USH2A: variants seen among roughly 807,000 people sequenced by gnomAD.
The protein encoded by USH2A is usherin, also known as Usher syndrome 2A (autosomal recessive, mild).
In USH2A, 443 loss-of-function variants were observed where a neutral mutation model predicts 538.9. That is an observed-to-expected ratio of 0.82 (90% confidence interval 0.76 to 0.89). The LOEUF (loss-of-function observed/expected upper bound fraction) is 0.89. USH2A is among the 40% of genes least tolerant of loss of function. USH2A has a pLI of 0.00. For missense variants in USH2A, 6,633 were observed against 6,324.8 expected, an observed-to-expected ratio of 1.05 and a Z score of -1.65; for synonymous variants, 2,413 against 2,273.5, an observed-to-expected ratio of 1.06 and a Z score of -1.75.
intron 32 of USH2A, among the ~76,000 whole-genome samples, chr1:216,044,012 C>T (rs2030409410): frequency 8.8e-6 from 1 of 113,314 alleles, no homozygotes; most frequent in Admixed American, 8.5e-5. Flanking sequence ...CATCTGACTT[C>T]ATTCTTTCAC....
chr1:215,887,940 G>A (rs1665106923), intron 41 of USH2A, among the ~76,000 whole-genome samples: 1 of 152,174 alleles, frequency 6.6e-6, no homozygotes, highest in Admixed American at 6.5e-5. Flanking sequence ...GTCCACTAGA[G>A]TTCATTCCCA....
chr1:215,976,957 A>C (rs10157890), intron 35 of USH2A, among the ~76,000 whole-genome samples: 6,332 of 150,888 alleles, frequency 0.042, 149 homozygotes, highest in Middle Eastern at 0.096. Flanking sequence ...CATCTGGTGG[A>C]ATTTGGGTGT....
chr1:215,987,694 GC>G (rs1667904075), intron 35 of USH2A, among the ~76,000 whole-genome samples: 1 of 152,270 alleles, frequency 6.6e-6, no homozygotes, highest in East Asian at 1.9e-4. Flanking sequence ...GTTTGTAATA[GC>G]AAAAACCACA....
chr1:216,374,835 G>T (rs141298766), intron 3 of USH2A, among the ~76,000 whole-genome samples: 2 of 152,134 alleles, frequency 1.3e-5, no homozygotes, highest in African/African-American at 4.8e-5. Context: ...GACACAAGAT[G>T]TTCTAGGCTC....
intron 2 of USH2A, among the ~76,000 whole-genome samples, chr1:216,420,274 A>C (rs868622552): frequency 4.4e-4 from 67 of 152,106 alleles, no homozygotes; most frequent in African/African-American, 1.6e-3. Context: ...CTGAAAATGC[A>C]TTTCTTAATA....
intron 3 of USH2A, among the ~76,000 whole-genome samples, chr1:216,402,197 C>A (rs1384291141): frequency 6.6e-6 from 1 of 152,072 alleles, no homozygotes; most frequent in African/African-American, 2.4e-5. Context: ...GAACTGAATT[C>A]ACACTGAATG....
At chr1:215,712,579 G>A (rs898911617) in intron 61 of USH2A, among the ~76,000 whole-genome samples, 1 of 152,156 alleles carries the variant, frequency 6.6e-6, no homozygotes, top group African/African-American at 2.4e-5. Flanking sequence ...AATATCTCAA[G>A]TCAACCTTTG....
chr1:216,192,086 T>C (rs1284509413), intron 19 of USH2A, among the ~76,000 whole-genome samples: 2 of 152,070 alleles, frequency 1.3e-5, no homozygotes, highest in African/African-American at 4.8e-5. Flanking sequence ...AAGTTTTTCA[T>C]GAAATAAGTC....
At chr1:215,745,439 C>G (rs1437682404) in intron 58 of USH2A, among the ~76,000 whole-genome samples, 3 of 152,106 alleles carry the variant, frequency 2.0e-5, no homozygotes, top group Non-Finnish European at 4.4e-5. Flanking sequence ...TTCAATGCAT[C>G]CCTGTGTTAT....
In USH2A at chr1:216,364,825, G is replaced by T. The variant is rs181986271; in HGVS notation, c.784+128C>A. 2.1e-5 allele frequency: 26 copies of T among 1,229,438 alleles called. No individual in the cohort carries two copies. The East Asian group carries it at 2.8e-4, about 13-fold the overall frequency. The allele number at this position is 1,229,438 out of a possible 1,614,324, so 76.2% of individuals were successfully genotyped here. A position where few individuals can be genotyped will look rare whatever the true frequency, so the allele number is the denominator to read the frequency against. On this transcript the variant is annotated intron_variant, in intron 4 of 71. Coordinates refer to ENST00000307340, the MANE Select transcript of USH2A (RefSeq NM_206933.4). ...CTTTCATTAATCTGCCATCCAGTTG[G>T]TGGTAATTTGTTCAGTAGCCCTAGA...
Position 215,935,769 on chromosome 1 carries a change from T to A in USH2A, c.7121-974A>T, listed in dbSNP as rs149819837. Among the ~76,000 whole-genome samples, 394 of 152,144 alleles carry A rather than the reference T, an allele frequency of 2.6e-3. 3 individuals carry two copies. The highest frequency in any genetic ancestry group is 8.7e-3 in the African/African-American group (361 of 41,566). On this transcript the variant is annotated intron_variant, in intron 37 of 71. Transcript: ENST00000307340. ...AGACAATTTTTTAAATGCTGCTTAATGTTTGTCACTTTTAGAAATGATACA... is the reference window on the plus strand; with the variant it reads ...AGACAATTTTTTAAATGCTGCTTAAAGTTTGTCACTTTTAGAAATGATACA...
At chr1:215,640,522 G>T in intron 68 of USH2A, 36 bp downstream of exon 68, 1 of 1,611,948 alleles carries the variant, frequency 6.2e-7, no homozygotes, top group Non-Finnish European at 8.5e-7. Context: ...GGAACAGAGC[G>T]CCTTCCACAC....
At chr1:215,920,728 G>A (rs1310712303) in intron 38 of USH2A, among the ~76,000 whole-genome samples, 1 of 152,050 alleles carries the variant, frequency 6.6e-6, no homozygotes, top group Non-Finnish European at 1.5e-5. Flanking sequence ...TAGACACTGT[G>A]CTTTACAAAT....
In USH2A at chr1:216,251,520, G is replaced by A. The variant is rs530025466; in HGVS notation, c.1972-422C>T. Among the ~76,000 whole-genome samples, 46 of 123,558 alleles carry A rather than the reference G, an allele frequency of 3.7e-4. 1 individual carries two copies. Among genetic ancestry groups the A allele is most frequent in the Middle Eastern group, 0.014 (2 of 138 alleles). 81.1% of individuals were successfully genotyped at this position (123,558 alleles called of 152,430 possible). ...GGCTGGAGTGCAGTGGCTCAATCTC[G>A]GCTCACTGCAAGCTCCGCCTTCTGG... On this transcript the variant is annotated intron_variant, in intron 11 of 71. Coordinates refer to ENST00000307340, the MANE Select transcript of USH2A (RefSeq NM_206933.4).
At chr1:215,664,794 G>A (rs1022962910) in intron 64 of USH2A, among the ~76,000 whole-genome samples, 18 of 152,276 alleles carry the variant, frequency 1.2e-4, no homozygotes, top group African/African-American at 3.6e-4. Flanking sequence ...TGGATATAAG[G>A]AGAAGACCAT....
chr1:216,422,091 C>T lies in USH2A; in HGVS notation c.246G>A (p.Arg82=), dbSNP rs781457468. 1 of 1,613,786 alleles carries T rather than the reference C, an allele frequency of 6.2e-7. No individual in the cohort carries two copies. The highest frequency in any genetic ancestry group is 1.1e-5 in the South Asian group (1 of 91,072). ...TGTATGGGCAATCCTGAATACAAAA[C>T]CGCTGGGTACAGAACTGAATACTTT... The part of the protein sequence containing the change: ...AAESIQFCTQ[R]FCIQDCPYRS... Residue 82 remains arginine (R), a synonymous_variant, in exon 2 of 72, where the codon CGG becomes CGA. Coordinates refer to ENST00000307340, the MANE Select transcript of USH2A (RefSeq NM_206933.4).
chr1:215,778,956 T>A (rs1391071777), intron 55 of USH2A, among the ~76,000 whole-genome samples: 1 of 152,226 alleles, frequency 6.6e-6, no homozygotes, highest in Non-Finnish European at 1.5e-5. Flanking sequence ...CTGGCACATA[T>A]TAAGTTCCCT....
chr1:215,882,344 T>G, intron 41 of USH2A, among the ~76,000 whole-genome samples: 1 of 152,200 alleles, frequency 6.6e-6, no homozygotes, highest in East Asian at 1.9e-4. Context: ...TTTGACTCCG[T>G]ACAGTGTAGT....
In USH2A at chr1:215,743,386, A is replaced by ATATATG. The variant is rs878870284; in HGVS notation, c.11390-52_11390-51insCATATA. 109 of 328,496 alleles carry ATATATG rather than the reference A, an allele frequency of 3.3e-4. 2 individuals are homozygous for ATATATG. Among genetic ancestry groups the ATATATG allele is most frequent in the Non-Finnish European group, 4.5e-4 (89 of 197,488 alleles). 20.3% of individuals were successfully genotyped at this position (328,496 alleles called of 1,614,324 possible). A position where few individuals can be genotyped will look rare whatever the true frequency, so the allele number is the denominator to read the frequency against. ...ACATTAAAAACATATATATATATATATGTGTGTGTGTGTGTGTGTGTGTGT... is the reference window on the plus strand; with the variant it reads ...ACATTAAAAACATATATATATATATATATATGTGTGTGTGTGTGTGTGTGTGTGTGT... On this transcript the variant is annotated intron_variant, in intron 58 of 71. Coordinates refer to ENST00000307340, the MANE Select transcript of USH2A (RefSeq NM_206933.4).
Sources: allele counts gnomAD v4.1 joint callset (sites outside exome capture counted in the v4.1 genomes callset), GRCh38; gene constraint gnomAD v4.1.1; transcripts MANE v1.5; gene names NCBI Gene and HGNC (gene_info 2026-07-23, HGNC 2026-07-21).